CTNNA3: variants seen among roughly 807,000 people sequenced by gnomAD.
CTNNA3 encodes the protein catenin alpha-3.
A neutral mutation model predicts 95.7 loss-of-function variants in CTNNA3; 76 were observed. That is an observed-to-expected ratio of 0.79 (90% CI 0.66 to 0.96). The LOEUF is 0.96. Among genes scored for constraint, CTNNA3 ranks in the 40% least tolerant of loss-of-function variants. The pLI is 0.00. For synonymous variants in CTNNA3, 431 were observed against 374.4 expected, an observed-to-expected ratio of 1.15 and a Z score of -1.74; for missense variants, 1,191 against 1,089.8, an observed-to-expected ratio of 1.09 and a Z score of -1.31.
intron 12 of CTNNA3, among the ~76,000 whole-genome samples, chr10:66,303,676 C>A (rs1589056135): frequency 6.6e-6 from 1 of 151,984 alleles, no homozygotes; most frequent in Admixed American, 6.6e-5. Flanking sequence ...ACTCTGTCAC[C>A]CAGGCTGTAG....
chr10:66,098,168 T>C (rs961404508), intron 14 of CTNNA3: 6 of 152,300 alleles, frequency 3.9e-5, no homozygotes, highest in African/African-American at 9.6e-5. Context: ...TTAAGGTTTG[T>C]GGTCTTCAGT....
intron 11 of CTNNA3, among the ~76,000 whole-genome samples, chr10:66,397,058 C>G (rs954388219): frequency 1.2e-4 from 18 of 151,536 alleles, no homozygotes; most frequent in African/African-American, 4.3e-4. Flanking sequence ...ATATTTATTT[C>G]TCTACAATAT....
chr10:66,361,368 CT>C (rs1239856096), intron 12 of CTNNA3, among the ~76,000 whole-genome samples: 169 of 90,404 alleles, frequency 1.9e-3, no homozygotes, highest in African/African-American at 5.6e-3. Flanking sequence ...CTTTCCTTTT[CT>C]TTTTTCCTTT....
chr10:67,348,522 C>A (rs1483384445), intron 5 of CTNNA3, among the ~76,000 whole-genome samples: 1 of 152,216 alleles, frequency 6.6e-6, no homozygotes, highest in Non-Finnish European at 1.5e-5. Context: ...CATCTGCTCC[C>A]AGTGAGGGCC....
chr10:66,913,744 C>G (rs373994241), intron 7 of CTNNA3, among the ~76,000 whole-genome samples: 1 of 152,080 alleles, frequency 6.6e-6, no homozygotes, highest in Non-Finnish European at 1.5e-5. Context: ...CTTCATAGAG[C>G]GAGATCAACT....
At chr10:66,547,902 A>G (rs1589407355) in intron 10 of CTNNA3, among the ~76,000 whole-genome samples, 1 of 148,862 alleles carries the variant, frequency 6.7e-6, no homozygotes, top group Admixed American at 6.7e-5. Flanking sequence ...TTGTTACATC[A>G]TTTCTTAGTA....
rs538914611 is a variant in CTNNA3, at chr10:66,020,706, C to T, written c.2160-31909G>A. On this transcript the variant is annotated intron_variant, in intron 15 of 17. Coordinates refer to ENST00000433211, the MANE Select transcript of CTNNA3 (RefSeq NM_013266.4). ...TTTTTGAGATGGAGTCTCACTCTGTCGTCCAGGCTGGAGTGCAATGGCACG... is the reference window on the plus strand; with the variant it reads ...TTTTTGAGATGGAGTCTCACTCTGTTGTCCAGGCTGGAGTGCAATGGCACG... Among the ~76,000 whole-genome samples, 371 of 140,424 alleles carry T rather than the reference C, an allele frequency of 2.6e-3. 1 individual carries two copies. The highest frequency in any genetic ancestry group is 0.013 in the Middle Eastern group (3 of 230). The allele number at this position is 140,424 out of a possible 152,430, so 92.1% of individuals were successfully genotyped here.
intron 12 of CTNNA3, among the ~76,000 whole-genome samples, chr10:66,343,885 C>T (rs1215381914): frequency 6.6e-6 from 1 of 151,940 alleles, no homozygotes; most frequent in Non-Finnish European, 1.5e-5. Context: ...GACAAGCCCT[C>T]TCAATCTTCA....
intron 7 of CTNNA3, among the ~76,000 whole-genome samples, chr10:66,776,327 T>C (rs1840297771): frequency 6.6e-6 from 1 of 152,160 alleles, no homozygotes; most frequent in South Asian, 2.1e-4. Context: ...TTTAAATTAA[T>C]AAACTGAAAA....
chr10:67,369,477 C>T (rs911982038), intron 5 of CTNNA3, among the ~76,000 whole-genome samples: 1 of 151,900 alleles, frequency 6.6e-6, no homozygotes. Context: ...ATGACTGAGT[C>T]AATAAAAGAA....
intron 9 of CTNNA3, among the ~76,000 whole-genome samples, chr10:66,722,581 C>T (rs1848664411): frequency 6.9e-6 from 1 of 144,984 alleles, no homozygotes; most frequent in African/African-American, 2.5e-5. Context: ...CCCCCCACCC[C>T]ACCACACACA....
chr10:67,172,551 T>TAC (rs975267165), intron 7 of CTNNA3, among the ~76,000 whole-genome samples: 11 of 152,044 alleles, frequency 7.2e-5, no homozygotes, highest in Admixed American at 4.6e-4. Context: ...TACATATATA[T>TAC]ACACACACAC....
At chr10:66,926,714 TTG>T in intron 7 of CTNNA3, 1 of 1,169,162 alleles carries the variant, frequency 8.6e-7, no homozygotes, top group Non-Finnish European at 1.2e-6. Context: ...ATGAATTTAT[TTG>T]CTTAGTGGCA....
At chr10:66,458,805 T>C (rs2093510759) in intron 11 of CTNNA3, among the ~76,000 whole-genome samples, 1 of 152,238 alleles carries the variant, frequency 6.6e-6, no homozygotes, top group Non-Finnish European at 1.5e-5. Context: ...ATAAGCCATA[T>C]TTTGTTTAAC....
At chr10:66,380,109 A>G (rs1001951026) in intron 11 of CTNNA3, among the ~76,000 whole-genome samples, 1 of 152,194 alleles carries the variant, frequency 6.6e-6, no homozygotes, top group Non-Finnish European at 1.5e-5. Context: ...GAAAACAATT[A>G]TAACAATAAG....
intron 7 of CTNNA3, among the ~76,000 whole-genome samples, chr10:66,977,253 A>G (rs998122020): frequency 6.6e-6 from 1 of 152,098 alleles, no homozygotes; most frequent in Non-Finnish European, 1.5e-5. Flanking sequence ...ACTGGCCAAC[A>G]TGGTGAAACC....
intron 7 of CTNNA3, among the ~76,000 whole-genome samples, chr10:67,132,303 G>A (rs1860054802): frequency 6.6e-6 from 1 of 152,032 alleles, no homozygotes; most frequent in Admixed American, 6.6e-5. Flanking sequence ...GGCATATGGA[G>A]GCATCTATGA....
At chr10:67,590,874 T>C (rs1842770084) in intron 3 of CTNNA3, among the ~76,000 whole-genome samples, 1 of 152,142 alleles carries the variant, frequency 6.6e-6, no homozygotes, top group Admixed American at 6.5e-5. Flanking sequence ...TTTGAAGTAG[T>C]AAGATTTGAA....
At chr10:67,690,001 C>T (rs1840811152) in intron 1 of CTNNA3, among the ~76,000 whole-genome samples, 1 of 152,154 alleles carries the variant, frequency 6.6e-6, no homozygotes, top group Non-Finnish European at 1.5e-5. Context: ...CTGGTGGGTT[C>T]TTGGTCTCGC....
Sources: gnomAD v4.1 joint callset for allele counts (sites outside exome capture counted in the v4.1 genomes callset) on GRCh38, gnomAD v4.1.1 for gene constraint, MANE v1.5 for transcripts, NCBI Gene and HGNC (gene_info 2026-07-23, HGNC 2026-07-21) for gene names.